CACNA1I: variants seen among roughly 807,000 people sequenced by gnomAD.
CACNA1I encodes the protein voltage-dependent T-type calcium channel subunit alpha-1I.
CACNA1I carries 74 observed loss-of-function variants against 201.6 expected under a neutral mutation model. That is an observed-to-expected ratio of 0.37 (90% CI 0.30 to 0.45). The LOEUF is 0.45. Ranked by LOEUF, CACNA1I falls within the 20% of genes least tolerant of loss-of-function variation. The pLI is 1.00. For missense variants in CACNA1I, 2,346 were observed against 3,138.1 expected (o/e 0.75, Z 6.03); for synonymous variants, 1,431 against 1,345.2 (o/e 1.06, Z -1.40).
At chr22:39,642,760 C>G in intron 6 of CACNA1I, 37 bp from the exon 7 acceptor site, 1 of 1,483,532 alleles carries the variant, frequency 6.7e-7, no homozygotes, top group Non-Finnish European at 9.3e-7. Context: ...TTCTGATGGG[C>G]CAGTCCTCTC....
At chr22:39,601,519 G>C (rs117192145) in intron 3 of CACNA1I, among the ~76,000 whole-genome samples, 3,606 of 152,278 alleles carry the variant, frequency 0.024, 96 homozygotes, top group East Asian at 0.12. Flanking sequence ...CCAAGAGTGG[G>C]TCATTATTAG....
In CACNA1I at chr22:39,678,043, T is replaced by C. The variant is rs1360944895; in HGVS notation, c.4990T>C (p.Phe1664Leu). Residue 1664 changes from phenylalanine to leucine, a missense_variant, in exon 31 of 37, where the codon TTC becomes CTC. Phe to Leu is a conservative substitution (Grantham distance 22). Coordinates refer to ENST00000402142, the MANE Select transcript of CACNA1I (RefSeq NM_021096.4). Reference protein sequence around the residue: ...GMSRHATFENFGMAFLTLFQV... With the variant: ...GMSRHATFENLGMAFLTLFQV... ...GAGCCGGCATGCCACCTTCGAGAAC[T>C]TCGGCATGGCCTTCCTCACACTCTT... 1.9e-6 allele frequency: 3 copies of C among 1,607,276 alleles called. No homozygotes were observed. In the Admixed American group the frequency reaches 5.1e-5, roughly 27 times the overall value.
rs1005864858 is a variant in CACNA1I at position 39,689,248 on chromosome 22, A to G, written c.*2843A>G. The G allele has an allele frequency of 5.9e-5, 9 of 152,924 alleles. No individual in the cohort carries two copies. Among genetic ancestry groups the G allele is most frequent in the African/African-American group, 1.7e-4 (7 of 41,448 alleles). 9.5% of individuals were successfully genotyped at this position (152,924 alleles called of 1,614,324 possible). A position where few individuals can be genotyped will look rare whatever the true frequency, so the allele number is the denominator to read the frequency against. ...GTGCAGAGACGGCCCAGTCTGGCCA[A>G]ATCCTCTTCCTCTCCCCTGCTCTAC... On this transcript the variant is annotated 3_prime_UTR_variant, in exon 37 of 37. Transcript: ENST00000402142.
chr22:39,573,141 C>T (rs760396654), intron 1 of CACNA1I, among the ~76,000 whole-genome samples: 9 of 152,022 alleles, frequency 5.9e-5, no homozygotes, highest in Admixed American at 4.6e-4. Context: ...GAGAAGGGGG[C>T]GGCCGCAGGA....
chr22:39,608,903 G>T (rs181972970), intron 3 of CACNA1I, among the ~76,000 whole-genome samples: 82 of 152,240 alleles, frequency 5.4e-4, no homozygotes, highest in Admixed American at 1.0e-3. Flanking sequence ...TCTCCACCCT[G>T]ACTCTTACAG....
intron 24 of CACNA1I, among the ~76,000 whole-genome samples, chr22:39,668,867 T>C (rs1279502096): frequency 6.6e-6 from 1 of 152,122 alleles, no homozygotes; most frequent in Non-Finnish European, 1.5e-5. Context: ...AAAAGTTTAT[T>C]CTGAGGGCAG....
chr22:39,647,331 G>T (rs888325799), intron 8 of CACNA1I, among the ~76,000 whole-genome samples: 4 of 152,252 alleles, frequency 2.6e-5, no homozygotes, highest in African/African-American at 9.6e-5. Context: ...ACACAAAGGG[G>T]CTGTGGGCCT....
chr22:39,672,904 A>G, intron 27 of CACNA1I, 45 bp from the exon 28 acceptor site: 6 of 1,580,216 alleles, frequency 3.8e-6, no homozygotes, highest in Non-Finnish European at 5.2e-6. Flanking sequence ...AACCAGAGGG[A>G]TCCTCCTCAT....
At chr22:39,645,009 G>A (rs1022357123) in intron 7 of CACNA1I, among the ~76,000 whole-genome samples, 5 of 148,120 alleles carry the variant, frequency 3.4e-5, no homozygotes, top group African/African-American at 7.5e-5. Context: ...TTTTTAAGAC[G>A]GAGTCTTGCT....
intron 29 of CACNA1I, among the ~76,000 whole-genome samples, chr22:39,674,488 A>G (rs902945006): frequency 3.3e-5 from 5 of 152,144 alleles, no homozygotes; most frequent in Non-Finnish European, 5.9e-5. Flanking sequence ...TGGATGGAGA[A>G]GTTCCGAGAT....
intron 23 of CACNA1I, 80 bp from the exon 24 acceptor site, chr22:39,668,212 T>G (rs1193561604): frequency 2.1e-5 from 17 of 814,964 alleles, no homozygotes; most frequent in Non-Finnish European, 3.6e-5. Context: ...GGCAGAAGAA[T>G]AGAGAGCTGA....
chr22:39,616,770 AAAAAAAAAAAAAAAAAAGAAAAG>A (rs1458245584), intron 3 of CACNA1I, among the ~76,000 whole-genome samples: 1 of 121,476 alleles, frequency 8.2e-6, no homozygotes, highest in Non-Finnish European at 2.0e-5. Context: ...GTCTCAAAAA[AAAAAAAAAAAAAAAAAAGAAAAG>A]AAAAAGAAAA....
chr22:39,612,495 G>A (rs1297050295), intron 3 of CACNA1I, among the ~76,000 whole-genome samples: 5 of 152,160 alleles, frequency 3.3e-5, no homozygotes, highest in African/African-American at 1.2e-4. Context: ...AGATCAAGGT[G>A]CTGGCAGATT....
chr22:39,649,916 C>T lies in CACNA1I; in HGVS notation c.1983C>T (p.His661=). 1 of 1,613,198 alleles carries T rather than the reference C, an allele frequency of 6.2e-7. No homozygotes were observed. Among genetic ancestry groups the T allele is most frequent in the Non-Finnish European group, 8.5e-7 (1 of 1,179,686 alleles). The change falls in exon 10 of 37, where the codon CAC becomes CAT. Residue 661 remains histidine (H), a synonymous_variant. Transcript: ENST00000402142. The surrounding 1 kb of genome is among the most constrained non-coding windows in gnomAD (Gnocchi z 7.3). ...ACACCGTCAGCATGGGCATCGAGCA[C>T]CACGAGCAGGCCAGTGCAGCGCAGC... ...LVNTVSMGIE[H]HEQPEELTNI...
chr22:39,677,845 G>C lies in CACNA1I; in HGVS notation c.4934-142G>C. On this transcript the variant is annotated intron_variant, in intron 30 of 36. Transcript: ENST00000402142. This position sits in a 1 kb window ranked among gnomAD's most constrained non-coding sequence, Gnocchi z 4.8. The stretch of plus-strand genomic sequence containing the variant: ...TCATGTGCCATCTCCCCGAGCCTCA[G>C]TTTATCTGTGGGCTGGGCACAGTCT... 2.1e-6 allele frequency: 2 copies of C among 951,940 alleles called. No homozygotes were observed. The highest frequency in any genetic ancestry group is 3.0e-6 in the Non-Finnish European group (2 of 660,024). 59.0% of individuals were successfully genotyped at this position (951,940 alleles called of 1,614,324 possible).
intron 10 of CACNA1I, among the ~76,000 whole-genome samples, chr22:39,653,711 A>G (rs1934728338): frequency 6.6e-6 from 1 of 152,198 alleles, no homozygotes; most frequent in Non-Finnish European, 1.5e-5. Flanking sequence ...GCCTGGTCAC[A>G]GGGTGCTTGA....
chr22:39,661,077 C>G, intron 15 of CACNA1I, 31 bp from the exon 16 acceptor site: 1 of 1,561,960 alleles, frequency 6.4e-7, no homozygotes, highest in Non-Finnish European at 8.8e-7. Context: ...TGCCATCTGT[C>G]CCTCCCTCTG....
At chr22:39,636,148 G>A (rs1014064683) in intron 5 of CACNA1I, among the ~76,000 whole-genome samples, 4 of 152,324 alleles carry the variant, frequency 2.6e-5, no homozygotes, top group East Asian at 3.9e-4. Context: ...GGCTGGGAGC[G>A]AGAACCAGTT....
intron 1 of CACNA1I, among the ~76,000 whole-genome samples, chr22:39,579,037 G>A (rs1166128182): frequency 1.3e-5 from 2 of 152,194 alleles, no homozygotes; most frequent in Admixed American, 1.3e-4. Flanking sequence ...CGTGGGCCCT[G>A]CCCTTCTGTC....
Sources: allele counts gnomAD v4.1 joint callset (sites outside exome capture counted in the v4.1 genomes callset), GRCh38; gene constraint gnomAD v4.1.1; non-coding constraint Gnocchi (gnomAD v3.1); transcripts MANE v1.5; gene names NCBI Gene and HGNC (gene_info 2026-07-23, HGNC 2026-07-21).